The following DIP2C variants were observed in gnomAD, a reference collection of about 807,000 sequenced individuals.
DIP2C encodes the protein disco-interacting protein 2 homolog C.
In DIP2C, 33 loss-of-function variants were observed where a neutral mutation model predicts 192.4. The ratio of observed to expected loss-of-function variants is 0.17; its 90% CI spans 0.13 to 0.23. DIP2C has a LOEUF of 0.23. Among genes scored for constraint, DIP2C ranks in the 10% least tolerant of loss-of-function variants. DIP2C has a pLI of 1.00. For synonymous variants in DIP2C, 979 were observed against 864.1 expected (o/e 1.13, Z -2.33); for missense variants, 1,537 against 2,110.1 (o/e 0.73, Z 5.32).
At chr10:491,957 CAG>C (rs1844478254) in intron 1 of DIP2C, among the ~76,000 whole-genome samples, 1 of 152,062 alleles carries the variant, frequency 6.6e-6, no homozygotes, top group East Asian at 1.9e-4. Context: ...CCCCAGAAAA[CAG>C]GGGCTAGGAG....
intron 17 of DIP2C, among the ~76,000 whole-genome samples, chr10:372,747 C>A (rs999179459): frequency 6.6e-6 from 1 of 152,122 alleles, no homozygotes; most frequent in African/African-American, 2.4e-5. Flanking sequence ...GGCACAGAAG[C>A]ACGGGTGCTC....
chr10:599,384 T>C (rs931186217), intron 1 of DIP2C, among the ~76,000 whole-genome samples: 3 of 152,146 alleles, frequency 2.0e-5, no homozygotes, highest in African/African-American at 7.2e-5. Flanking sequence ...AAGCAATCTC[T>C]TTGCAATCAA....
chr10:547,598 G>C (rs1006122786), intron 1 of DIP2C, among the ~76,000 whole-genome samples: 1 of 152,124 alleles, frequency 6.6e-6, no homozygotes, highest in Admixed American at 6.5e-5. Flanking sequence ...TCTGTCATGA[G>C]CTTTAGCATT....
chr10:664,067 G>T (rs1455025231), intron 1 of DIP2C: 1 of 151,958 alleles, frequency 6.6e-6, no homozygotes, highest in Non-Finnish European at 1.5e-5. Context: ...CCAGAGGGTG[G>T]GAGGCAGGGG....
At chr10:406,658 G>A (rs1003124703) in intron 9 of DIP2C, among the ~76,000 whole-genome samples, 3 of 152,222 alleles carry the variant, frequency 2.0e-5, no homozygotes, top group South Asian at 2.1e-4. Context: ...GCCCTTTCCC[G>A]AAATTACCCC....
chr10:364,345 A>G (rs1277663583), intron 20 of DIP2C, 29 bp downstream of exon 20: 2 of 1,597,372 alleles, frequency 1.3e-6, no homozygotes, highest in East Asian at 2.2e-5. Flanking sequence ...ACCGGAAACC[A>G]TATGCTTGAT....
At chr10:329,175 C>A (rs554386868) in intron 30 of DIP2C, among the ~76,000 whole-genome samples, 1 of 152,190 alleles carries the variant, frequency 6.6e-6, no homozygotes, top group Admixed American at 6.5e-5. Context: ...AATTTAGGAT[C>A]TTTCAAGTAG....
intron 1 of DIP2C, among the ~76,000 whole-genome samples, chr10:670,449 A>G (rs1412858317): frequency 6.6e-6 from 1 of 152,246 alleles, no homozygotes; most frequent in African/African-American, 2.4e-5. Flanking sequence ...AAACAAGAAT[A>G]ATCACAAAAC....
At chr10:412,583 C>T (rs896398327) in intron 8 of DIP2C, among the ~76,000 whole-genome samples, 1 of 152,192 alleles carries the variant, frequency 6.6e-6, no homozygotes, top group Non-Finnish European at 1.5e-5. Flanking sequence ...AAAGGGGCTA[C>T]GAAACGCACG....
At chr10:595,928 C>A (rs1310838966) in intron 1 of DIP2C, among the ~76,000 whole-genome samples, 1 of 152,084 alleles carries the variant, frequency 6.6e-6, no homozygotes, top group South Asian at 2.1e-4. Context: ...GATTAGAAAG[C>A]GGAGGAAAAA....
At chr10:375,529 C>G (rs552783022) in intron 17 of DIP2C, among the ~76,000 whole-genome samples, 132 of 152,334 alleles carry the variant, frequency 8.7e-4, no homozygotes, top group African/African-American at 2.8e-3. Flanking sequence ...GCAATGTGGC[C>G]TCACGAGGAA....
At chr10:628,735 G>A (rs1588635118) in intron 1 of DIP2C, 3 of 152,538 alleles carry the variant, frequency 2.0e-5, no homozygotes, top group Middle Eastern at 6.8e-3. Context: ...CGTCTGAGAA[G>A]ATGAAGAGGC....
chr10:382,786 C>T (rs750960898), intron 16 of DIP2C, 25 bp from the exon 17 acceptor site: 66 of 1,523,680 alleles, frequency 4.3e-5, no homozygotes, highest in Non-Finnish European at 5.8e-5. Context: ...GGACAATGAT[C>T]AGACAGCTGA....
intron 1 of DIP2C, among the ~76,000 whole-genome samples, chr10:553,539 A>G (rs1273217335): frequency 6.6e-6 from 1 of 152,252 alleles, no homozygotes; most frequent in Non-Finnish European, 1.5e-5. Flanking sequence ...CTGAAAGTTA[A>G]GTCACCACTT....
rs532880962 is a variant in DIP2C at position 647,358 on chromosome 10, G to A, written c.85+42136C>T. On this transcript the variant is annotated intron_variant, in intron 1 of 36. Coordinates refer to ENST00000280886, the MANE Select transcript of DIP2C (RefSeq NM_014974.3). ...AACTGAGTCCACGTCCACATTGGACGGCGGGAGAGAACAGAGGGAAACTGA... is the reference window on the plus strand; with the variant it reads ...AACTGAGTCCACGTCCACATTGGACAGCGGGAGAGAACAGAGGGAAACTGA... Among the ~76,000 whole-genome samples, 184 of 150,816 alleles carry A rather than the reference G, an allele frequency of 1.2e-3. 1 individual carries two copies. The highest frequency in any genetic ancestry group is 4.1e-3 in the African/African-American group (167 of 40,918).
intron 3 of DIP2C, among the ~76,000 whole-genome samples, chr10:459,447 C>T (rs778776021): frequency 2.0e-5 from 3 of 152,224 alleles, no homozygotes; most frequent in Non-Finnish European, 4.4e-5. Context: ...GAGAGGGCAG[C>T]CCAAGCCATG....
At chr10:613,135 C>CA (rs2131789531) in intron 1 of DIP2C, among the ~76,000 whole-genome samples, 1 of 152,340 alleles carries the variant, frequency 6.6e-6, no homozygotes, top group Admixed American at 6.5e-5. Context: ...AAAAAACAGT[C>CA]ACTCATTTCA....
rs368489948 is a variant in DIP2C, at chr10:422,815, C to T, written c.604+9G>A. 102 of 1,607,444 alleles carry T rather than the reference C, an allele frequency of 6.3e-5. No individual in the cohort carries two copies. The East Asian group carries it at 7.1e-4, about 11-fold the overall frequency. On this transcript the variant is annotated intron_variant, in intron 5 of 36. Transcript: ENST00000280886. ...ACAGGCACAGAAAGACACCGTGAAGCGTGCTCACCTATGTGGGTCTGAGCC... is the reference window on the plus strand; with the variant it reads ...ACAGGCACAGAAAGACACCGTGAAGTGTGCTCACCTATGTGGGTCTGAGCC...
intron 1 of DIP2C, chr10:669,055 G>C (rs1029022758): frequency 5.3e-5 from 8 of 152,152 alleles, no homozygotes; most frequent in African/African-American, 1.9e-4. Flanking sequence ...AACGGGGTTG[G>C]TGACGGTACA....
Sources: allele counts gnomAD v4.1 joint callset (sites outside exome capture counted in the v4.1 genomes callset), GRCh38; gene constraint gnomAD v4.1.1; transcripts MANE v1.5; gene names NCBI Gene and HGNC (gene_info 2026-07-23, HGNC 2026-07-21).